Variants in TAB2 observed in about 807,000 individuals in gnomAD.
The protein encoded by TAB2 is TGF-beta-activated kinase 1 and MAP3K7-binding protein 2.
TAB2 carries 3 observed loss-of-function variants against 65.0 expected under a neutral mutation model. The observed-to-expected ratio is 0.05, with a 90% CI of 0.02 to 0.12. The LOEUF (loss-of-function observed/expected upper bound fraction) is 0.12, where lower values mean the gene tolerates loss of function less well. Among genes scored for constraint, TAB2 ranks in the 10% least tolerant of loss-of-function variants. The pLI is 1.00. For synonymous variants in TAB2, 298 were observed against 285.1 expected (o/e 1.05, Z -0.46); for missense variants, 623 against 840.3 (o/e 0.74, Z 3.20).
chr6:149,371,469 T>G (rs187653195), intron 2 of TAB2, among the ~76,000 whole-genome samples: 1 of 152,320 alleles, frequency 6.6e-6, no homozygotes. Flanking sequence ...CATCCTGAGC[T>G]GCATGGAATT....
At chr6:149,273,559 C>G (rs1268538443) in intron 1 of TAB2, among the ~76,000 whole-genome samples, 1 of 152,116 alleles carries the variant, frequency 6.6e-6, no homozygotes, top group Non-Finnish European at 1.5e-5. Context: ...CAAGACTTTC[C>G]AAAAAGGGAA....
chr6:149,322,139 A>G (rs1184933908), intron 1 of TAB2, among the ~76,000 whole-genome samples: 1 of 151,980 alleles, frequency 6.6e-6, no homozygotes, highest in Non-Finnish European at 1.5e-5. Context: ...TGTGCTAGGG[A>G]CTCTTCCAGA....
chr6:149,350,061 AG>A (rs1388673546), intron 1 of TAB2, among the ~76,000 whole-genome samples: 3 of 151,994 alleles, frequency 2.0e-5, no homozygotes, highest in Non-Finnish European at 4.4e-5. Context: ...CCTCCCGAGT[AG>A]CTGGGATTAC....
chr6:149,308,971 C>T (rs1423894334), intron 1 of TAB2, among the ~76,000 whole-genome samples: 4 of 152,022 alleles, frequency 2.6e-5, no homozygotes, highest in East Asian at 1.9e-4. Flanking sequence ...TCTTAATCAC[C>T]GTATACATAG....
chr6:149,296,542 C>T (rs1372800152), intron 1 of TAB2, among the ~76,000 whole-genome samples: 1 of 151,968 alleles, frequency 6.6e-6, no homozygotes, highest in Non-Finnish European at 1.5e-5. Flanking sequence ...TTATATCCAG[C>T]CTTTTTAGTT....
At position 149,379,270 on chromosome 6, in the gene TAB2, G is replaced by T. The variant is rs566536534; in HGVS notation, c.1355G>T (p.Arg452Leu). Residue 452 changes from arginine to leucine, a missense_variant, in exon 3 of 7, where the codon CGA (arginine) becomes CTA (leucine). This residue lies in a region of TAB2 where 550 missense variants were observed against 665.7 expected (regional missense o/e 0.83). Coordinates refer to ENST00000637181, the MANE Select transcript of TAB2 (RefSeq NM_001292034.3). ...GGCAATAACTCTGCAACCTCTCCTC[G>T]AGTGGTAGTCACTCAGCCCAATACG... ...AIGNNSATSP[R>L]VVVTQPNTKY... 5 of 1,614,110 alleles carry T rather than the reference G, an allele frequency of 3.1e-6. No individual in the cohort carries two copies. The East Asian group carries it at 8.9e-5, about 29-fold the overall frequency.
At chr6:149,300,345 C>T (rs867468944) in intron 1 of TAB2, among the ~76,000 whole-genome samples, 1 of 152,086 alleles carries the variant, frequency 6.6e-6, no homozygotes, top group African/African-American at 2.4e-5. Context: ...ATTGTGGGTG[C>T]GAGGTTGACA....
At chr6:149,229,816 G>A (rs1193605051) in intron 1 of TAB2, 2 of 152,200 alleles carry the variant, frequency 1.3e-5, no homozygotes, top group African/African-American at 2.4e-5. Context: ...TGGTGCCCTT[G>A]TAGGTTAAGT....
chr6:149,260,876 C>T (rs1217471709), intron 1 of TAB2, among the ~76,000 whole-genome samples: 1 of 152,236 alleles, frequency 6.6e-6, no homozygotes, highest in Non-Finnish European at 1.5e-5. Flanking sequence ...TCGTTTCCCA[C>T]ATGAAATGTA....
intron 1 of TAB2, among the ~76,000 whole-genome samples, chr6:149,355,321 T>C (rs1172322540): frequency 6.6e-6 from 1 of 152,190 alleles, no homozygotes; most frequent in Non-Finnish European, 1.5e-5. Context: ...AAAGCTGCTT[T>C]CCAAAAGTTA....
intron 1 of TAB2, among the ~76,000 whole-genome samples, chr6:149,354,014 T>C (rs1780574673): frequency 6.6e-6 from 1 of 152,244 alleles, no homozygotes; most frequent in Non-Finnish European, 1.5e-5. Flanking sequence ...TGCATGCTTC[T>C]CAGTGTTGAC....
At chr6:149,279,741 G>A (rs545944150) in intron 1 of TAB2, among the ~76,000 whole-genome samples, 1 of 152,326 alleles carries the variant, frequency 6.6e-6, no homozygotes, top group Non-Finnish European at 1.5e-5. Flanking sequence ...ATCAAAGCTA[G>A]ATGTGCATTG....
At chr6:149,234,746 C>G (rs1777464073) in intron 1 of TAB2, among the ~76,000 whole-genome samples, 1 of 151,660 alleles carries the variant, frequency 6.6e-6, no homozygotes, top group Non-Finnish European at 1.5e-5. Flanking sequence ...GAGGGAGTTC[C>G]CTGGGTTGTG....
At chr6:149,372,108 A>C (rs1583133745) in intron 2 of TAB2, among the ~76,000 whole-genome samples, 1 of 152,212 alleles carries the variant, frequency 6.6e-6, no homozygotes, top group African/African-American at 2.4e-5. Context: ...CATATAGTAC[A>C]GGTATAGAGA....
intron 1 of TAB2, among the ~76,000 whole-genome samples, chr6:149,345,768 A>G (rs1236795221): frequency 1.3e-5 from 2 of 152,202 alleles, no homozygotes; most frequent in African/African-American, 4.8e-5. Context: ...TTTTAATATA[A>G]TGCATCTTTT....
intron 2 of TAB2, among the ~76,000 whole-genome samples, chr6:149,376,937 A>G (rs963426563): frequency 2.7e-4 from 39 of 145,872 alleles, no homozygotes; most frequent in African/African-American, 8.7e-4. Context: ...AAAGGCAGAG[A>G]TAGGAGCTAG....
chr6:149,328,664 G>A (rs1248332161), intron 1 of TAB2, among the ~76,000 whole-genome samples: 1 of 152,158 alleles, frequency 6.6e-6, no homozygotes, highest in African/African-American at 2.4e-5. Context: ...CCTGTACTTT[G>A]CTAGGTCAAA....
At chr6:149,318,951 T>C (rs1257637417) in intron 1 of TAB2, among the ~76,000 whole-genome samples, 5 of 152,144 alleles carry the variant, frequency 3.3e-5, no homozygotes, top group Admixed American at 1.3e-4. Flanking sequence ...CTCACAGGGG[T>C]TTCTCCGTAG....
At chr6:149,321,885 C>T (rs1319393841) in intron 1 of TAB2, among the ~76,000 whole-genome samples, 1 of 152,078 alleles carries the variant, frequency 6.6e-6, no homozygotes, top group Non-Finnish European at 1.5e-5. Context: ...ACATACACCC[C>T]CTTACCTTTA....
Sources: allele counts gnomAD v4.1 joint callset (sites outside exome capture counted in the v4.1 genomes callset), GRCh38; gene constraint gnomAD v4.1.1; regional missense constraint gnomAD v4.1.1; transcripts MANE v1.5; gene names NCBI Gene and HGNC (gene_info 2026-07-23, HGNC 2026-07-21).